NUDT3: variants seen among roughly 807,000 people sequenced by gnomAD.
NUDT3 encodes the protein nudix hydrolase 3, also known as diphosphoinositol polyphosphate phosphohydrolase 1.
A neutral mutation model predicts 23.6 loss-of-function variants in NUDT3; 9 were observed. The ratio of observed to expected loss-of-function variants is 0.38; its 90% confidence interval spans 0.23 to 0.66. The LOEUF (loss-of-function observed/expected upper bound fraction) is 0.66. Ranked by LOEUF, NUDT3 falls within the 30% of genes least tolerant of loss-of-function variation. The probability of loss-of-function intolerance (pLI) is 0.52; values close to 1 mark genes in which losing one functional copy is unlikely to be tolerated. For missense variants in NUDT3, 172 were observed against 218.5 expected, an observed-to-expected ratio of 0.79 and a Z score of 1.34; for synonymous variants, 86 against 82.6, an observed-to-expected ratio of 1.04 and a Z score of -0.22.
At chr6:34,360,942 G>A (rs1305113200) in intron 1 of NUDT3, among the ~76,000 whole-genome samples, 3 of 152,222 alleles carry the variant, frequency 2.0e-5, no homozygotes, top group South Asian at 4.1e-4. Context: ...TACATATGGG[G>A]CCAGGAGCAG....
intron 4 of NUDT3, among the ~76,000 whole-genome samples, chr6:34,293,217 C>G (rs776642890): frequency 3.9e-5 from 6 of 152,184 alleles, no homozygotes; most frequent in Non-Finnish European, 8.8e-5. Flanking sequence ...CATGTGCCAC[C>G]ACGCCGAGCT....
chr6:34,326,866 G>T (rs1764039553), intron 2 of NUDT3, among the ~76,000 whole-genome samples: 1 of 152,174 alleles, frequency 6.6e-6, no homozygotes, highest in Non-Finnish European at 1.5e-5. Context: ...CTCCCAAAGT[G>T]CTGGGATTAC....
rs569433268 is a variant in NUDT3, at chr6:34,392,452, G to A, written c.-90C>T. 1.4e-3 allele frequency: 1,295 copies of A among 943,040 alleles called. 2 individuals are homozygous for A. Among genetic ancestry groups the A allele is most frequent in the Admixed American group, 2.1e-3 (89 of 42,514 alleles). The allele number at this position is 943,040 out of a possible 1,614,324, so 58.4% of individuals were successfully genotyped here. On this transcript the variant is annotated 5_prime_UTR_variant, in exon 1 of 5. Coordinates refer to ENST00000607016, the MANE Select transcript of NUDT3 (RefSeq NM_006703.4). ...GACGGCCGCGTGCGCGCGCGCCCCCGGCTCGGCCAAGGGAAGCAGGGAGGG... is the reference window on the plus strand; with the variant it reads ...GACGGCCGCGTGCGCGCGCGCCCCCAGCTCGGCCAAGGGAAGCAGGGAGGG...
chr6:34,346,448 A>C (rs1434801220), intron 1 of NUDT3, among the ~76,000 whole-genome samples: 1 of 152,246 alleles, frequency 6.6e-6, no homozygotes, highest in Non-Finnish European at 1.5e-5. Flanking sequence ...TACAGTCCAA[A>C]AGAAAAACCT....
chr6:34,312,576 C>G (rs959219586), intron 2 of NUDT3, among the ~76,000 whole-genome samples: 3 of 152,140 alleles, frequency 2.0e-5, no homozygotes, highest in African/African-American at 7.2e-5. Flanking sequence ...AGCAATTGCA[C>G]TCCTTGGTGT....
In NUDT3 at chr6:34,390,480, T is replaced by C. The variant is rs960648166; in HGVS notation, c.99+1784A>G. On this transcript the variant is annotated intron_variant, in intron 1 of 4. Coordinates refer to ENST00000607016, the MANE Select transcript of NUDT3 (RefSeq NM_006703.4). ...AGCCGTTGCTAGTTTGCTTATGATC[T>C]ATAGTTTTCAATTTATCAAAAATAC... Among the ~76,000 whole-genome samples, 4 of 152,130 alleles carry C rather than the reference T, an allele frequency of 2.6e-5. No homozygotes were observed. The East Asian group carries it at 7.7e-4, about 29-fold the overall frequency.
rs555426035 is a variant in NUDT3 at position 34,359,245 on chromosome 6, C to T, written c.100-17273G>A. Among the ~76,000 whole-genome samples, 496 of 152,080 alleles carry T rather than the reference C, an allele frequency of 3.3e-3. 4 individuals are homozygous for T. Among genetic ancestry groups the T allele is most frequent in the Middle Eastern group, 0.027 (8 of 292 alleles). On this transcript the variant is annotated intron_variant, in intron 1 of 4. Coordinates refer to ENST00000607016, the MANE Select transcript of NUDT3 (RefSeq NM_006703.4). ...AAAATTAGCCGGGTGTGGTGGCGGG[C>T]GCCTGTAGTCCCAGCTACTTGGGAG...
At chr6:34,311,277 C>T (rs1301729542) in intron 2 of NUDT3, among the ~76,000 whole-genome samples, 1 of 152,062 alleles carries the variant, frequency 6.6e-6, no homozygotes, top group Non-Finnish European at 1.5e-5. Flanking sequence ...AATTGCTTTT[C>T]TACATCCCAA....
In NUDT3 at chr6:34,280,082, G is replaced by C. The variant is rs1298280087; in HGVS notation, c.*8671C>G. 1 of 152,260 alleles carries C rather than the reference G, an allele frequency of 6.6e-6. No individual in the cohort carries two copies. Among genetic ancestry groups the C allele is most frequent in the Non-Finnish European group, 1.5e-5 (1 of 68,122 alleles). The allele number at this position is 152,260 out of a possible 1,614,324, so 9.4% of individuals were successfully genotyped here. On this transcript the variant is annotated 3_prime_UTR_variant, in exon 5 of 5. Coordinates refer to ENST00000607016, the MANE Select transcript of NUDT3 (RefSeq NM_006703.4). ...CCTTTCTTCTCAGCCCTCCTCCACAGCCTGACTGTACTGCCAGCCGCACCC... is the reference window on the plus strand; with the variant it reads ...CCTTTCTTCTCAGCCCTCCTCCACACCCTGACTGTACTGCCAGCCGCACCC...
At chr6:34,357,208 C>A (rs943555794) in intron 1 of NUDT3, among the ~76,000 whole-genome samples, 21 of 152,116 alleles carry the variant, frequency 1.4e-4, no homozygotes, top group African/African-American at 5.1e-4. Context: ...TACGAATATA[C>A]ATCCTACAAA....
In NUDT3 at chr6:34,364,904, C is replaced by T. The variant is rs189680869; in HGVS notation, c.100-22932G>A. ...GGCGCGGTGGCGGGTGCCTGTAGTC[C>T]GAGCTACTCAGGAGGCTGAGGCAGG... On this transcript the variant is annotated intron_variant, in intron 1 of 4. Transcript: ENST00000607016. 3.5e-3 allele frequency among the ~76,000 whole-genome samples: 533 copies of T among 151,112 alleles called. 2 individuals carry two copies. The highest frequency in any genetic ancestry group is 0.013 in the African/African-American group (513 of 40,896).
chr6:34,300,460 C>A (rs1027192330), intron 2 of NUDT3, among the ~76,000 whole-genome samples: 1 of 152,210 alleles, frequency 6.6e-6, no homozygotes, highest in Non-Finnish European at 1.5e-5. Context: ...CTGCTCCCCT[C>A]TGCAGGGACT....
chr6:34,392,012 G>A (rs957435418), intron 1 of NUDT3, among the ~76,000 whole-genome samples: 50 of 152,296 alleles, frequency 3.3e-4, no homozygotes, highest in Non-Finnish European at 5.0e-4. Context: ...CGGAACCGAA[G>A]CGCTCCGGCC....
At chr6:34,315,067 T>G (rs1763838275) in intron 2 of NUDT3, among the ~76,000 whole-genome samples, 1 of 152,188 alleles carries the variant, frequency 6.6e-6, no homozygotes, top group Non-Finnish European at 1.5e-5. Flanking sequence ...AATGGAACAT[T>G]AAATTATTTT....
At position 34,285,456 on chromosome 6, in the gene NUDT3, T is replaced by C. The variant is rs780780563; in HGVS notation, c.*3297A>G. 1 of 152,210 alleles carries C rather than the reference T, an allele frequency of 6.6e-6. No homozygotes were observed. 9.4% of individuals were successfully genotyped at this position (152,210 alleles called of 1,614,324 possible). On this transcript the variant is annotated 3_prime_UTR_variant, in exon 5 of 5. Coordinates refer to ENST00000607016, the MANE Select transcript of NUDT3 (RefSeq NM_006703.4). ...CTATCTTCTTCTGTCCTGAGTTTGG[T>C]AGACTTTAATGGATGCTCCAGCAAT...
Position 34,301,049 on chromosome 6 carries a change from T to C in NUDT3, c.211-5364A>G, listed in dbSNP as rs142928230. Among the ~76,000 whole-genome samples, 65 of 152,376 alleles carry C rather than the reference T, an allele frequency of 4.3e-4. 1 individual carries two copies. In the East Asian group the frequency reaches 8.5e-3, roughly 20 times the overall value. On this transcript the variant is annotated intron_variant, in intron 2 of 4. Coordinates refer to ENST00000607016, the MANE Select transcript of NUDT3 (RefSeq NM_006703.4). ...CCCTCAATATTATGTTTCAGAGTTT[T>C]AGCTATATTGACACATGTAGTTCTA...
chr6:34,369,093 C>A (rs1187354968), intron 1 of NUDT3, among the ~76,000 whole-genome samples: 1 of 152,100 alleles, frequency 6.6e-6, no homozygotes, highest in Non-Finnish European at 1.5e-5. Context: ...TGGTTGAACA[C>A]AAGATATAGA....
rs533361173 is a variant in NUDT3, at chr6:34,348,649, G to A, written c.100-6677C>T. On this transcript the variant is annotated intron_variant, in intron 1 of 4. Coordinates refer to ENST00000607016, the MANE Select transcript of NUDT3 (RefSeq NM_006703.4). ...AAATTAGCCGGGCGTGGTGGCGGGC[G>A]CCTGTAGTCCCAGCTACTCAGGAGG... is the stretch of plus-strand genomic sequence containing the variant. Among the ~76,000 whole-genome samples the A allele has an allele frequency of 6.3e-3, 951 of 152,038 alleles. 11 individuals carry two copies. The highest frequency in any genetic ancestry group is 0.022 in the African/African-American group (900 of 41,484).
chr6:34,362,766 T>C (rs144483172), intron 1 of NUDT3, among the ~76,000 whole-genome samples: 1 of 152,124 alleles, frequency 6.6e-6, no homozygotes, highest in Non-Finnish European at 1.5e-5. Context: ...CCAAGTTCTA[T>C]TCATGTAAAT....
Sources: allele counts gnomAD v4.1 joint callset (sites outside exome capture counted in the v4.1 genomes callset), GRCh38; gene constraint gnomAD v4.1.1; transcripts MANE v1.5; gene names NCBI Gene and HGNC (gene_info 2026-07-23, HGNC 2026-07-21).